The following NRXN3 variants were observed in gnomAD, a reference collection of about 807,000 sequenced individuals.
NRXN3 encodes the protein neurexin III.
Under a neutral mutation model 137.6 loss-of-function variants are expected in NRXN3, and 32 were observed. That is an observed-to-expected ratio of 0.23 (90% confidence interval 0.18 to 0.31). The LOEUF (loss-of-function observed/expected upper bound fraction) is 0.31. Among genes scored for constraint, NRXN3 ranks in the 10% least tolerant of loss-of-function variants. NRXN3 has a pLI of 1.00. For missense variants in NRXN3, 1,574 were observed against 2,062.5 expected, an observed-to-expected ratio of 0.76 and a Z score of 4.59; for synonymous variants, 798 against 784.5, an observed-to-expected ratio of 1.02 and a Z score of -0.29.
rs1369935846 is a variant in NRXN3, at chr14:78,954,631, G to GT, written c.2276-2604dup. On this transcript the variant is annotated intron_variant, in intron 10 of 20. Coordinates refer to ENST00000335750, the MANE Select transcript of NRXN3 (RefSeq NM_001330195.2). The stretch of plus-strand genomic sequence containing the variant: ...AGGCGCCTGCCACCATGCCCGGCTA[G>GT]TTTTTTTGTATTTTTAGTAGAGACG... Among the ~76,000 whole-genome samples, 11 of 151,812 alleles carry GT rather than the reference G, an allele frequency of 7.2e-5. 1 individual carries two copies. In the South Asian group the frequency reaches 2.1e-3, roughly 29 times the overall value.
chr14:78,525,501 G>A (rs1006091950), intron 4 of NRXN3, among the ~76,000 whole-genome samples: 4 of 152,024 alleles, frequency 2.6e-5, no homozygotes, highest in African/African-American at 9.7e-5. Context: ...ATAAAGACAG[G>A]GATTCTCTTA....
At chr14:79,049,054 A>T (rs1568111483) in intron 15 of NRXN3, among the ~76,000 whole-genome samples, 2,845 of 56,486 alleles carry the variant, frequency 0.05, 154 homozygotes, top group Middle Eastern at 0.071. Context: ...AAAAAAAAAA[A>T]AAAAAAAAAA....
At chr14:78,708,543 A>G (rs953943102) in intron 6 of NRXN3, 2 of 152,202 alleles carry the variant, frequency 1.3e-5, no homozygotes, top group South Asian at 2.1e-4. Context: ...GTAAGAGGGC[A>G]CAGTGAAAAG....
chr14:78,912,198 G>T (rs2099240740), intron 10 of NRXN3, among the ~76,000 whole-genome samples: 1 of 151,040 alleles, frequency 6.6e-6, no homozygotes. Context: ...GCGATAGTTT[G>T]CTGAGAATGA....
rs1248884358 is a variant in NRXN3, at chr14:79,863,240, C to T, written c.*1276C>T. ...TTCCATTTGCTCACTTCTCTCTTCACCCATCTTTTTTAAAAACAAATAAAT... is the reference window on the plus strand; with the variant it reads ...TTCCATTTGCTCACTTCTCTCTTCATCCATCTTTTTTAAAAACAAATAAAT... On this transcript the variant is annotated 3_prime_UTR_variant, in exon 21 of 21. Transcript: ENST00000335750. 4 of 152,286 alleles carry T rather than the reference C, an allele frequency of 2.6e-5. No homozygotes were observed. Among genetic ancestry groups the T allele is most frequent in the Admixed American group, 6.6e-5 (1 of 15,244 alleles). 9.4% of individuals were successfully genotyped at this position (152,286 alleles called of 1,614,324 possible).
intron 10 of NRXN3, among the ~76,000 whole-genome samples, chr14:78,863,914 G>T (rs558726327): frequency 6.6e-6 from 1 of 152,112 alleles, no homozygotes; most frequent in East Asian, 1.9e-4. Flanking sequence ...TAGGATCTTG[G>T]TAAAATGTAG....
Position 78,981,373 on chromosome 14 carries a change from G to A in NRXN3, c.3143-6649G>A, listed in dbSNP as rs142633028. On this transcript the variant is annotated intron_variant, in intron 14 of 20. Coordinates refer to ENST00000335750, the MANE Select transcript of NRXN3 (RefSeq NM_001330195.2). The stretch of plus-strand genomic sequence containing the variant: ...TCCCCACTCTGGCTTACACACATCC[G>A]TGAGAGGTTAGGTGAGTGGGCTGCA... 4.9e-3 allele frequency among the ~76,000 whole-genome samples: 741 copies of A among 152,252 alleles called. 6 individuals are homozygous for A. Among genetic ancestry groups the A allele is most frequent in the African/African-American group, 0.017 (692 of 41,554 alleles).
intron 4 of NRXN3, among the ~76,000 whole-genome samples, chr14:78,568,332 G>C (rs951661336): frequency 6.6e-6 from 1 of 152,146 alleles, no homozygotes; most frequent in Non-Finnish European, 1.5e-5. Context: ...AGAAGAACTA[G>C]AAGCCACCAT....
At chr14:78,980,025 G>C (rs1480680985) in intron 14 of NRXN3, among the ~76,000 whole-genome samples, 7 of 152,202 alleles carry the variant, frequency 4.6e-5, no homozygotes, top group African/African-American at 1.7e-4. Context: ...CCTTCCCATG[G>C]AAGCTGTGGT....
intron 4 of NRXN3, among the ~76,000 whole-genome samples, chr14:78,555,452 A>G (rs1193457063): frequency 6.6e-6 from 1 of 152,186 alleles, no homozygotes; most frequent in Non-Finnish European, 1.5e-5. Context: ...CTATGCAAAC[A>G]TGTTCATACT....
chr14:79,364,544 T>G (rs2093805668), intron 15 of NRXN3, among the ~76,000 whole-genome samples: 1 of 152,126 alleles, frequency 6.6e-6, no homozygotes, highest in African/African-American at 2.4e-5. Flanking sequence ...CAGTCACAAA[T>G]GTAGGAAATA....
chr14:78,547,153 G>A (rs191878826), intron 4 of NRXN3, among the ~76,000 whole-genome samples: 1 of 151,892 alleles, frequency 6.6e-6, no homozygotes, highest in African/African-American at 2.4e-5. Context: ...GATGATCATG[G>A]TCGTATAATG....
At chr14:79,203,994 G>C (rs964274778) in intron 15 of NRXN3, among the ~76,000 whole-genome samples, 1 of 152,030 alleles carries the variant, frequency 6.6e-6, no homozygotes, top group African/African-American at 2.4e-5. Context: ...TACCATCATG[G>C]CATCATGAAA....
At chr14:79,317,408 G>A (rs1440329408) in intron 15 of NRXN3, among the ~76,000 whole-genome samples, 2 of 152,094 alleles carry the variant, frequency 1.3e-5, no homozygotes, top group East Asian at 1.9e-4. Flanking sequence ...CTCACCTTTA[G>A]TGCCTGTGTG....
intron 19 of NRXN3, among the ~76,000 whole-genome samples, chr14:79,725,429 T>G (rs958552123): frequency 1.3e-5 from 2 of 152,144 alleles, no homozygotes; most frequent in Admixed American, 1.3e-4. Context: ...CCCCTTTCTC[T>G]CAGTCAAGCA....
intron 16 of NRXN3, among the ~76,000 whole-genome samples, chr14:79,580,783 G>C (rs751855698): frequency 2.3e-4 from 35 of 151,778 alleles, no homozygotes; most frequent in Non-Finnish European, 4.6e-4. Context: ...GTGGGGAAAA[G>C]AAAACAAAAA....
At chr14:78,325,192 A>G (rs903511866) in intron 4 of NRXN3, among the ~76,000 whole-genome samples, 8 of 152,034 alleles carry the variant, frequency 5.3e-5, no homozygotes, top group African/African-American at 1.2e-4. Context: ...CCGTCCAAGG[A>G]TTTATCCTTC....
intron 16 of NRXN3, among the ~76,000 whole-genome samples, chr14:79,602,419 C>T (rs1338903512): frequency 2.0e-5 from 3 of 152,212 alleles, no homozygotes; most frequent in East Asian, 1.9e-4. Flanking sequence ...TCTTTCTTCT[C>T]GGCTACAAGT....
At chr14:79,687,817 C>A (rs1186329241) in intron 17 of NRXN3, among the ~76,000 whole-genome samples, 1 of 152,194 alleles carries the variant, frequency 6.6e-6, no homozygotes. Context: ...TTACCTGTGG[C>A]TGGACCAAGA....
Sources: allele counts gnomAD v4.1 joint callset (sites outside exome capture counted in the v4.1 genomes callset), GRCh38; gene constraint gnomAD v4.1.1; transcripts MANE v1.5; gene names NCBI Gene and HGNC (gene_info 2026-07-23, HGNC 2026-07-21).